Variants in FAM180A observed in about 807,000 individuals in gnomAD.
FAM180A encodes protein FAM180A.
FAM180A carries 14 observed loss-of-function variants against 15.3 expected under a neutral mutation model. The observed-to-expected ratio is 0.92, with a 90% CI of 0.61 to 1.43. The LOEUF (loss-of-function observed/expected upper bound fraction) is 1.43. FAM180A is among the 40% of genes most tolerant of loss of function. The probability of loss-of-function intolerance (pLI) is 0.00; values close to 1 mark genes in which losing one functional copy is unlikely to be tolerated. For synonymous variants in FAM180A, 90 were observed against 96.8 expected (o/e 0.93, Z 0.41); for missense variants, 200 against 220.8 (o/e 0.91, Z 0.60).
intron 1 of FAM180A, among the ~76,000 whole-genome samples, chr7:135,738,921 G>A (rs1421780461): frequency 2.6e-5 from 4 of 152,230 alleles, no homozygotes; most frequent in African/African-American, 9.6e-5. Flanking sequence ...AGTTGTACAG[G>A]CATATTTTGC....
At chr7:135,735,044 G>T (rs536573966) in intron 2 of FAM180A, among the ~76,000 whole-genome samples, 1 of 152,262 alleles carries the variant, frequency 6.6e-6, no homozygotes, top group South Asian at 2.1e-4. Context: ...TGGGAATACA[G>T]GCACCTGCCA....
intron 3 of FAM180A, among the ~76,000 whole-genome samples, chr7:135,731,914 A>G (rs1796788993): frequency 6.6e-6 from 1 of 152,216 alleles, no homozygotes; most frequent in African/African-American, 2.4e-5. Flanking sequence ...ATTTAGCCCA[A>G]TAAATCCTCA....
chr7:135,748,678 T>G lies in FAM180A; in HGVS notation c.-98A>C, dbSNP rs1797065099. The G allele has an allele frequency of 1.1e-6, 1 of 921,712 alleles. No individual in the cohort carries two copies. The highest frequency in any genetic ancestry group is 1.8e-6 in the Non-Finnish European group (1 of 558,246). The allele number at this position is 921,712 out of a possible 1,614,324, so 57.1% of individuals were successfully genotyped here. On this transcript the variant is annotated 5_prime_UTR_variant, in exon 1 of 4. Coordinates refer to ENST00000338588, the MANE Select transcript of FAM180A (RefSeq NM_205855.4). ...CGTTCTTCCCAGTGAGATGATGGAGTGCTTCCCTCCCTTCCTTTTGCAGAC... is the reference window on the plus strand; with the variant it reads ...CGTTCTTCCCAGTGAGATGATGGAGGGCTTCCCTCCCTTCCTTTTGCAGAC...
chr7:135,733,986 C>A lies in FAM180A; in HGVS notation c.511G>T (p.Val171Leu). The change falls in exon 3 of 4, where the codon GTA (valine) becomes TTA (leucine). Residue 171 changes from valine (V) to leucine (L), a missense_variant. Coordinates refer to ENST00000338588, the MANE Select transcript of FAM180A (RefSeq NM_205855.4). ...TGTGGGCCAGTCTCTCAGGGAGGTA[C>A]TCCCGGCTGTGAGGAGCGCATCAAG... ...HDLMRSSQPG[V>L]PP 2 of 1,601,776 alleles carry A rather than the reference C, an allele frequency of 1.2e-6. No individual in the cohort carries two copies. Among genetic ancestry groups the A allele is most frequent in the Non-Finnish European group, 1.7e-6 (2 of 1,173,356 alleles).
At chr7:135,740,585 T>A (rs1796930897) in intron 1 of FAM180A, among the ~76,000 whole-genome samples, 2 of 152,330 alleles carry the variant, frequency 1.3e-5, no homozygotes, top group South Asian at 4.1e-4. Context: ...CAGCCAGATC[T>A]GTGTTATCCA....
chr7:135,730,173 A>C lies in FAM180A; in HGVS notation c.*438T>G. The C allele has an allele frequency of 1.0e-6, 1 of 985,370 alleles. No homozygotes were observed. The highest frequency in any genetic ancestry group is 1.2e-6 in the Non-Finnish European group (1 of 829,910). The allele number at this position is 985,370 out of a possible 1,614,324, so 61.0% of individuals were successfully genotyped here. On this transcript the variant is annotated 3_prime_UTR_variant, in exon 4 of 4. Transcript: ENST00000338588. Reference sequence around the variant, plus strand: ...AGAGCAATGAAGTCTGCAGCAGTTAAATGTCTGTTGATGTCTCTTGAGTGA... The same window carrying C: ...AGAGCAATGAAGTCTGCAGCAGTTACATGTCTGTTGATGTCTCTTGAGTGA...
chr7:135,739,265 G>C (rs1400897425), intron 1 of FAM180A, among the ~76,000 whole-genome samples: 9 of 143,550 alleles, frequency 6.3e-5, no homozygotes, highest in Admixed American at 5.8e-4. Flanking sequence ...AACCGAGATC[G>C]TGCCACACTG....
Position 135,734,287 on chromosome 7 carries a change from G to T in FAM180A, c.210C>A (p.Asp70Glu). The change falls in exon 3 of 4, where the codon GAC (aspartate) becomes GAA (glutamate). Residue 70 changes from aspartate (D) to glutamate (E), a missense_variant. By Grantham distance (45) the Asp-to-Glu change is conservative (BLOSUM62 2). Transcript: ENST00000338588. ...CCTCGTCCTTGATGGAGATCTGCAG[G>T]TCAGGGCTGATCTCAAGTTCGGCCA... Reference protein sequence around the residue: ...FLLAELEISPDLQISIKDEEL... With the variant: ...FLLAELEISPELQISIKDEEL... The T allele has an allele frequency of 1.2e-6, 2 of 1,607,434 alleles. No individual in the cohort carries two copies. Among genetic ancestry groups the T allele is most frequent in the Non-Finnish European group, 1.7e-6 (2 of 1,176,030 alleles).
At chr7:135,732,975 A>G (rs1351554483) in intron 3 of FAM180A, among the ~76,000 whole-genome samples, 1 of 152,122 alleles carries the variant, frequency 6.6e-6, no homozygotes, top group Non-Finnish European at 1.5e-5. Context: ...GTTCGTTGGG[A>G]GACTCTTTGT....
At position 135,729,618 on chromosome 7, in the gene FAM180A, T is replaced by C; in HGVS notation, c.*993A>G. 1 of 984,632 alleles carries C rather than the reference T, an allele frequency of 1.0e-6. No homozygotes were observed. The highest frequency in any genetic ancestry group is 1.2e-6 in the Non-Finnish European group (1 of 829,200). The allele number at this position is 984,632 out of a possible 1,614,324, so 61.0% of individuals were successfully genotyped here. On this transcript the variant is annotated 3_prime_UTR_variant, in exon 4 of 4. Coordinates refer to ENST00000338588, the MANE Select transcript of FAM180A (RefSeq NM_205855.4). ...TCCAGTGAGCAACTCAATCATGACATCTTTATTATACCATAGATGAATATT... is the reference window on the plus strand; with the variant it reads ...TCCAGTGAGCAACTCAATCATGACACCTTTATTATACCATAGATGAATATT...
chr7:135,747,934 G>A (rs1282742507), intron 1 of FAM180A, among the ~76,000 whole-genome samples: 1 of 152,196 alleles, frequency 6.6e-6, no homozygotes, highest in Non-Finnish European at 1.5e-5. Flanking sequence ...TAAGAGAACA[G>A]CCTTTGCTGG....
intron 1 of FAM180A, among the ~76,000 whole-genome samples, chr7:135,737,831 T>G (rs1796894307): frequency 6.6e-6 from 1 of 152,168 alleles, no homozygotes; most frequent in Admixed American, 6.5e-5. Flanking sequence ...TCTATATGCC[T>G]GGGGATATGC....
rs1363170340 is a variant in FAM180A at position 135,733,790 on chromosome 7, T to C, written c.*185A>G. The C allele has an allele frequency of 7.2e-7, 1 of 1,385,602 alleles. No homozygotes were observed. The highest frequency in any genetic ancestry group is 9.3e-7 in the Non-Finnish European group (1 of 1,075,288). 85.8% of individuals were successfully genotyped at this position (1,385,602 alleles called of 1,614,324 possible). ...TTCCAGCCCAGGTCACATGATGGCA[T>C]GAATCAGATGTGTCTTCCAGGAAAC... On this transcript the variant is annotated 3_prime_UTR_variant, in exon 3 of 4. Coordinates refer to ENST00000338588, the MANE Select transcript of FAM180A (RefSeq NM_205855.4).
Position 135,730,061 on chromosome 7 carries a change from T to C in FAM180A, c.*550A>G. ...AAATGGATTAGGAAAGTAAGGGGTG[T>C]TGTAAAAAGTCATTTAACAAGCATT... On this transcript the variant is annotated 3_prime_UTR_variant, in exon 4 of 4. Transcript: ENST00000338588. 1.0e-6 allele frequency: 1 copy of C among 985,292 alleles called. No homozygotes were observed. The highest frequency in any genetic ancestry group is 1.2e-6 in the Non-Finnish European group (1 of 829,892). The allele number at this position is 985,292 out of a possible 1,614,324, so 61.0% of individuals were successfully genotyped here.
chr7:135,734,858 G>A (rs911424049), intron 2 of FAM180A, among the ~76,000 whole-genome samples: 1 of 152,158 alleles, frequency 6.6e-6, no homozygotes, highest in Non-Finnish European at 1.5e-5. Flanking sequence ...AAAAGAAGGA[G>A]TTCAGACATA....
At position 135,742,580 on chromosome 7, in the gene FAM180A, C is replaced by T. The variant is rs144978262; in HGVS notation, c.77-5381G>A. Among the ~76,000 whole-genome samples the T allele has an allele frequency of 2.6e-4, 39 of 152,258 alleles. 1 individual carries two copies. The East Asian group carries it at 6.8e-3, about 26-fold the overall frequency. ...AATGAGCATCTAGGACACATGGGACCGACCAGCATAGAACAAGTGACTCAC... is the reference window on the plus strand; with the variant it reads ...AATGAGCATCTAGGACACATGGGACTGACCAGCATAGAACAAGTGACTCAC... On this transcript the variant is annotated intron_variant, in intron 1 of 3. Transcript: ENST00000338588.
chr7:135,744,189 C>G (rs994735164), intron 1 of FAM180A, among the ~76,000 whole-genome samples: 1 of 152,202 alleles, frequency 6.6e-6, no homozygotes, highest in African/African-American at 2.4e-5. Context: ...CTTTGACTTT[C>G]TGTAATCTGG....
chr7:135,735,846 G>A (rs1275426821), intron 2 of FAM180A, among the ~76,000 whole-genome samples: 1 of 151,484 alleles, frequency 6.6e-6, no homozygotes, highest in Non-Finnish European at 1.5e-5. Context: ...GGGATTACAG[G>A]TGCATGCCAG....
At position 135,737,086 on chromosome 7, in the gene FAM180A, C is replaced by G; in HGVS notation, c.177+13G>C. 6.3e-7 allele frequency: 1 copy of G among 1,595,642 alleles called. No individual in the cohort carries two copies. On this transcript the variant is annotated intron_variant, in intron 2 of 3. Coordinates refer to ENST00000338588, the MANE Select transcript of FAM180A (RefSeq NM_205855.4). ...TTGGGTGACTTGGATTGAGCATGTT[C>G]CCCTCTGCCTACCTCGTAGAGCAGC...
Sources: gnomAD v4.1 joint callset for allele counts (sites outside exome capture counted in the v4.1 genomes callset) on GRCh38, gnomAD v4.1.1 for gene constraint, MANE v1.5 for transcripts, NCBI Gene and HGNC (gene_info 2026-07-23, HGNC 2026-07-21) for gene names.